The following KDM4C variants were observed in gnomAD, a reference collection of about 807,000 sequenced individuals.
The protein encoded by KDM4C is lysine demethylase 4C, also known as lysine-specific demethylase 4C.
In KDM4C, 81 loss-of-function variants were observed where a neutral mutation model predicts 129.3. The observed-to-expected ratio is 0.63, with a 90% confidence interval of 0.52 to 0.75. KDM4C has a LOEUF of 0.75. Among genes scored for constraint, KDM4C ranks in the 30% least tolerant of loss-of-function variants. KDM4C has a pLI of 0.00. For synonymous variants in KDM4C, 573 were observed against 456.1 expected, an observed-to-expected ratio of 1.26 and a Z score of -3.26; for missense variants, 1,457 against 1,304.0, an observed-to-expected ratio of 1.12 and a Z score of -1.81.
chr9:6,778,092 CTTT>C (rs760255723), intron 1 of KDM4C, among the ~76,000 whole-genome samples: 8 of 131,806 alleles, frequency 6.1e-5, no homozygotes, highest in Admixed American at 7.7e-5. Context: ...CTAATTTTTT[CTTT>C]TTTTTTTTTT....
In KDM4C at chr9:6,984,246, A is replaced by T; in HGVS notation, c.1196A>T (p.Glu399Val). The T allele has an allele frequency of 6.2e-7, 1 of 1,614,030 alleles. No individual in the cohort carries two copies. Among genetic ancestry groups the T allele is most frequent in the Non-Finnish European group, 8.5e-7 (1 of 1,179,904 alleles). Residue 399 changes from glutamate to valine, a missense_variant, in exon 10 of 22, where the codon GAG becomes GTG. Glu to Val is a moderately radical substitution (Grantham distance 121, BLOSUM62 -2). Coordinates refer to ENST00000381309, the MANE Select transcript of KDM4C (RefSeq NM_015061.6). ...EEVSDEVDGA[E>V]VPNPDSVTDD... ...GTGTCAGATGAAGTCGATGGGGCAG[A>T]GGTCCCTAACCCCGACTCAGTCACA...
At chr9:6,748,929 AT>A (rs1817977625) in intron 1 of KDM4C, 2 of 925,702 alleles carry the variant, frequency 2.2e-6, no homozygotes, top group Admixed American at 1.7e-5. Context: ...GATGAGGTTG[AT>A]GGGCTGCACC....
Position 6,984,401 on chromosome 9 carries a change from T to C in KDM4C, c.1351T>C (p.Ser451Pro). Reference protein sequence around the residue: ...EQNLSDHIKLSGNSCLSTSVT... With the variant: ...EQNLSDHIKLPGNSCLSTSVT... ...GAATTTATCAGATCATATCAAACTC[T>C]CAGGTGAGAAGATGGTTGATTAGGT... The change falls in exon 10 of 22, where the codon TCA (serine) becomes CCA (proline). Residue 451 changes from serine to proline, a missense_variant. Coordinates refer to ENST00000381309, the MANE Select transcript of KDM4C (RefSeq NM_015061.6). 2 of 1,599,414 alleles carry C rather than the reference T, an allele frequency of 1.3e-6. No homozygotes were observed. Among genetic ancestry groups the C allele is most frequent in the Admixed American group, 1.7e-5 (1 of 59,978 alleles).
intron 12 of KDM4C, among the ~76,000 whole-genome samples, chr9:7,005,901 C>G (rs902505341): frequency 1.5e-4 from 23 of 152,100 alleles, no homozygotes; most frequent in African/African-American, 5.3e-4. Flanking sequence ...TAGGTTGGAG[C>G]AGAGCTCTAC....
intron 15 of KDM4C, among the ~76,000 whole-genome samples, chr9:7,037,325 C>T (rs969868702): frequency 2.7e-4 from 41 of 152,228 alleles, no homozygotes; most frequent in African/African-American, 9.9e-4. Flanking sequence ...TCCTACAATG[C>T]AGCTTGAGAA....
chr9:6,725,041 G>A (rs1244329449), intron 1 of KDM4C, among the ~76,000 whole-genome samples: 1 of 152,072 alleles, frequency 6.6e-6, no homozygotes, highest in Admixed American at 6.6e-5. Context: ...CATTCCTTGG[G>A]TCATGACACC....
intron 17 of KDM4C, among the ~76,000 whole-genome samples, chr9:7,092,426 G>A (rs1471325030): frequency 6.6e-6 from 1 of 152,178 alleles, no homozygotes; most frequent in South Asian, 2.1e-4. Flanking sequence ...AAAAACTAGA[G>A]GCCTTGAACT....
intron 17 of KDM4C, among the ~76,000 whole-genome samples, chr9:7,100,115 GT>G (rs1360061441): frequency 1.3e-5 from 2 of 152,090 alleles, no homozygotes; most frequent in Non-Finnish European, 1.5e-5. Flanking sequence ...ATCAAGGCCG[GT>G]TGTGGCGTGA....
intron 15 of KDM4C, among the ~76,000 whole-genome samples, chr9:7,036,184 TTA>T (rs1827618192): frequency 1.3e-5 from 2 of 152,300 alleles, no homozygotes; most frequent in South Asian, 4.1e-4. Context: ...ATAGTTTCTC[TTA>T]TAGTGGTCTT....
intron 2 of KDM4C, among the ~76,000 whole-genome samples, chr9:6,794,945 C>G (rs1215374705): frequency 2.0e-5 from 3 of 152,082 alleles, no homozygotes; most frequent in Non-Finnish European, 4.4e-5. Flanking sequence ...TAATGTAAGT[C>G]TATTTTAATT....
In KDM4C at chr9:7,013,839, G is replaced by T; in HGVS notation, c.2020G>T (p.Glu674Ter). ...TGCTAGATGGGAGACAAAATTAGAT[G>T]AAGTCGTTACATCGGAGGGAAAGAC... is the stretch of plus-strand genomic sequence containing the variant. ...NDARWETKLD[E>*]VVTSEGKTKP... The change falls in exon 14 of 22, where the codon GAA becomes TAA. Residue 674 changes from glutamate (E) to a stop codon, truncating the protein, a stop_gained. Coordinates refer to ENST00000381309, the MANE Select transcript of KDM4C (RefSeq NM_015061.6). LOFTEE classifies it high-confidence loss of function. The T allele has an allele frequency of 6.2e-7, 1 of 1,614,024 alleles. No homozygotes were observed. The highest frequency in any genetic ancestry group is 8.5e-7 in the Non-Finnish European group (1 of 1,179,918).
At chr9:6,919,579 C>G (rs368690689) in intron 8 of KDM4C, among the ~76,000 whole-genome samples, 1 of 147,706 alleles carries the variant, frequency 6.8e-6, no homozygotes, top group Non-Finnish European at 1.5e-5. Context: ...ATCTATCTAT[C>G]TATCTATCTA....
At chr9:7,131,079 T>C in intron 19 of KDM4C, among the ~76,000 whole-genome samples, 1 of 104,170 alleles carries the variant, frequency 9.6e-6, no homozygotes, top group East Asian at 2.3e-4. Context: ...TAATAACTTC[T>C]TCAGGAAAAA....
intron 3 of KDM4C, among the ~76,000 whole-genome samples, chr9:6,808,722 C>G (rs75604066): frequency 0.072 from 10,653 of 148,788 alleles, 547 homozygotes; most frequent in South Asian, 0.18. Context: ...AAGTGGCACA[C>G]TGTTACATCT....
intron 7 of KDM4C, among the ~76,000 whole-genome samples, chr9:6,890,318 G>A (rs1845933901): frequency 6.6e-6 from 1 of 152,178 alleles, no homozygotes; most frequent in African/African-American, 2.4e-5. Flanking sequence ...TTACTGTGAC[G>A]AGAAAGATAA....
intron 2 of KDM4C, among the ~76,000 whole-genome samples, chr9:6,794,938 T>C (rs6477109): frequency 0.61 from 92,288 of 152,024 alleles, 28,190 homozygotes; most frequent in African/African-American, 0.64. Flanking sequence ...CCTTCTATAA[T>C]GTAAGTCTAT....
At chr9:6,765,581 C>G (rs1820455333) in intron 1 of KDM4C, among the ~76,000 whole-genome samples, 2 of 152,112 alleles carry the variant, frequency 1.3e-5, no homozygotes, top group Non-Finnish European at 2.9e-5. Context: ...GCACACTGTT[C>G]CCTCACTAGC....
At chr9:6,774,439 C>G (rs1204876191) in intron 1 of KDM4C, among the ~76,000 whole-genome samples, 1 of 152,012 alleles carries the variant, frequency 6.6e-6, no homozygotes, top group African/African-American at 2.4e-5. Context: ...CCGAGGTGTG[C>G]GAATCACTTG....
chr9:6,897,361 T>C (rs1479161098), intron 8 of KDM4C, among the ~76,000 whole-genome samples: 3 of 152,204 alleles, frequency 2.0e-5, no homozygotes, highest in Admixed American at 2.0e-4. Flanking sequence ...CATTCTCCTC[T>C]CATTTCTGTC....
Sources: allele counts gnomAD v4.1 joint callset (sites outside exome capture counted in the v4.1 genomes callset), GRCh38; gene constraint gnomAD v4.1.1; transcripts MANE v1.5; gene names NCBI Gene and HGNC (gene_info 2026-07-23, HGNC 2026-07-21).